ADCY2: variants seen among roughly 807,000 people sequenced by gnomAD.
The protein encoded by ADCY2 is adenylate cyclase 2.
ADCY2 carries 31 observed loss-of-function variants against 125.2 expected under a neutral mutation model. The ratio of observed to expected loss-of-function variants is 0.25; its 90% CI spans 0.19 to 0.33. The LOEUF is 0.33. ADCY2 is among the 10% of genes least tolerant of loss of function. The pLI, the probability that ADCY2 is intolerant of heterozygous loss-of-function variation, is 1.00. For synonymous variants in ADCY2, 512 were observed against 548.4 expected (o/e 0.93, Z 0.93); for missense variants, 904 against 1,418.2 (o/e 0.64, Z 5.82).
At chr5:7,621,198 C>T (rs969103717) in intron 3 of ADCY2, among the ~76,000 whole-genome samples, 1 of 152,156 alleles carries the variant, frequency 6.6e-6, no homozygotes, top group Non-Finnish European at 1.5e-5. Context: ...CACACTTGTG[C>T]CTCATGACCT....
chr5:7,486,468 G>A (rs993358726), intron 2 of ADCY2, among the ~76,000 whole-genome samples: 6 of 151,794 alleles, frequency 4.0e-5, no homozygotes, highest in African/African-American at 1.5e-4. Context: ...AAGCTTTTGT[G>A]TTAGAAACTG....
chr5:7,651,675 AC>A (rs1739095603), intron 4 of ADCY2, among the ~76,000 whole-genome samples: 1 of 152,054 alleles, frequency 6.6e-6, no homozygotes, highest in South Asian at 2.1e-4. Context: ...CTTTGGCAAC[AC>A]CCTCACAGAC....
intron 4 of ADCY2, among the ~76,000 whole-genome samples, chr5:7,669,811 G>T (rs887027561): frequency 6.6e-6 from 1 of 152,168 alleles, no homozygotes; most frequent in Non-Finnish European, 1.5e-5. Flanking sequence ...AAGCAGCAGG[G>T]TTAGCTTTTG....
chr5:7,501,646 T>TCCAC (rs1743584973), intron 2 of ADCY2, among the ~76,000 whole-genome samples: 2 of 40,526 alleles, frequency 4.9e-5, no homozygotes, highest in Non-Finnish European at 8.6e-5. Flanking sequence ...GATTCCCCCC[T>TCCAC]CCCCCCCCCC....
At chr5:7,439,893 C>T (rs1453988192) in intron 2 of ADCY2, among the ~76,000 whole-genome samples, 1 of 115,480 alleles carries the variant, frequency 8.7e-6, no homozygotes, top group African/African-American at 3.1e-5. Context: ...AAGGAGTTTA[C>T]CACTCTACAG....
intron 2 of ADCY2, among the ~76,000 whole-genome samples, chr5:7,510,830 G>A (rs149609043): frequency 2.0e-4 from 30 of 152,330 alleles, no homozygotes; most frequent in Admixed American, 5.2e-4. Flanking sequence ...TACAGTGTGT[G>A]TGTGTCTTTT....
intron 7 of ADCY2, among the ~76,000 whole-genome samples, chr5:7,699,081 ATTTTTTTTTTTTTTTTTTTTT>A (rs561359357): frequency 2.6e-5 from 1 of 37,964 alleles, no homozygotes; most frequent in Admixed American, 5.5e-4. Flanking sequence ...AACAGTAAGC[ATTTTTTTTTTTTTTTTTTTTT>A]TTTTTTTTTT....
intron 3 of ADCY2, among the ~76,000 whole-genome samples, chr5:7,607,040 G>C (rs1212149954): frequency 6.6e-6 from 1 of 152,076 alleles, no homozygotes; most frequent in African/African-American, 2.4e-5. Context: ...CTTTCTGTGA[G>C]CCCTTTGATC....
At chr5:7,483,825 C>T (rs752842778) in intron 2 of ADCY2, among the ~76,000 whole-genome samples, 4 of 152,168 alleles carry the variant, frequency 2.6e-5, no homozygotes, top group Admixed American at 6.5e-5. Context: ...ACACAAAATG[C>T]GATTCAGTTG....
intron 14 of ADCY2, among the ~76,000 whole-genome samples, chr5:7,738,962 C>T (rs912013765): frequency 7.9e-5 from 12 of 151,752 alleles, no homozygotes; most frequent in Admixed American, 5.2e-4. Context: ...GACAAATCTA[C>T]GTCAGAATTA....
chr5:7,511,303 C>T (rs1169700501), intron 2 of ADCY2, among the ~76,000 whole-genome samples: 5 of 152,100 alleles, frequency 3.3e-5, no homozygotes, highest in Non-Finnish European at 7.3e-5. Flanking sequence ...GGGCCAGGGG[C>T]GGTGCCTCAC....
chr5:7,438,969 A>G (rs564484031), intron 2 of ADCY2, among the ~76,000 whole-genome samples: 1 of 152,234 alleles, frequency 6.6e-6, no homozygotes, highest in Non-Finnish European at 1.5e-5. Flanking sequence ...GAGCAACACA[A>G]GGGTCATGTC....
intron 22 of ADCY2, among the ~76,000 whole-genome samples, chr5:7,814,163 G>T (rs914942276): frequency 7.9e-5 from 12 of 152,188 alleles, no homozygotes; most frequent in African/African-American, 1.9e-4. Context: ...TCTCATAACT[G>T]TAAGTTGAGA....
rs116532457 is a variant in ADCY2 at position 7,490,137 on chromosome 5, T to C, written c.409-30601T>C. ...TGGAGGTTCATTATTACTATGACAG[T>C]AAGAAAGTTTTCATAGATTAAAATA... On this transcript the variant is annotated intron_variant, in intron 2 of 24. Transcript: ENST00000338316. 5.8e-3 allele frequency among the ~76,000 whole-genome samples: 886 copies of C among 152,266 alleles called. 6 individuals carry two copies. Among genetic ancestry groups the C allele is most frequent in the African/African-American group, 0.019 (805 of 41,550 alleles).
intron 3 of ADCY2, among the ~76,000 whole-genome samples, chr5:7,539,532 T>G (rs1267107177): frequency 6.6e-6 from 1 of 152,224 alleles, no homozygotes; most frequent in Non-Finnish European, 1.5e-5. Flanking sequence ...AGATTCTGCA[T>G]TTAGAACCCA....
At chr5:7,719,670 G>A (rs986552475) in intron 12 of ADCY2, among the ~76,000 whole-genome samples, 9 of 152,174 alleles carry the variant, frequency 5.9e-5, no homozygotes, top group African/African-American at 2.2e-4. Flanking sequence ...TGGTGGTAGG[G>A]AGCTCTCTGG....
At chr5:7,469,763 C>T (rs865799667) in intron 2 of ADCY2, among the ~76,000 whole-genome samples, 86 of 151,862 alleles carry the variant, frequency 5.7e-4, no homozygotes, top group African/African-American at 2.0e-3. Flanking sequence ...GTTTTATTGT[C>T]ATTGCAAAGC....
At chr5:7,573,372 G>C (rs576055003) in intron 3 of ADCY2, among the ~76,000 whole-genome samples, 1 of 152,140 alleles carries the variant, frequency 6.6e-6, no homozygotes, top group Non-Finnish European at 1.5e-5. Flanking sequence ...GCGAAGGATT[G>C]AAGGTGTTTT....
chr5:7,508,079 T>G (rs1207566355), intron 2 of ADCY2, among the ~76,000 whole-genome samples: 1 of 152,190 alleles, frequency 6.6e-6, no homozygotes, highest in Non-Finnish European at 1.5e-5. Context: ...TTCTAAAGAC[T>G]TTATCATACA....
Sources: gnomAD v4.1 joint callset for allele counts (sites outside exome capture counted in the v4.1 genomes callset) on GRCh38, gnomAD v4.1.1 for gene constraint, MANE v1.5 for transcripts, NCBI Gene and HGNC (gene_info 2026-07-23, HGNC 2026-07-21) for gene names.